PTPRN2: variants seen among roughly 807,000 people sequenced by gnomAD.
The protein encoded by PTPRN2 is protein tyrosine phosphatase receptor type N2.
A neutral mutation model predicts 118.8 loss-of-function variants in PTPRN2; 74 were observed. That is an observed-to-expected ratio of 0.62 (90% CI 0.52 to 0.76). PTPRN2 has a LOEUF of 0.76. PTPRN2 is among the 30% of genes least tolerant of loss of function. The pLI, the probability that PTPRN2 is intolerant of heterozygous loss-of-function variation, is 0.00. For missense variants in PTPRN2, 1,481 were observed against 1,394.4 expected (o/e 1.06, Z -0.99); for synonymous variants, 641 against 608.0 (o/e 1.05, Z -0.80).
intron 3 of PTPRN2, among the ~76,000 whole-genome samples, chr7:158,213,963 C>A (rs1470280894): frequency 6.6e-6 from 1 of 152,092 alleles, no homozygotes; most frequent in Non-Finnish European, 1.5e-5. Context: ...AGGCTCAGTT[C>A]TTCCAGAACA....
Position 158,188,979 on chromosome 7 carries a change from C to T in PTPRN2, c.549+3348G>A, listed in dbSNP as rs529439499. ...CACCTGGAAAGCATCCCAGGACATG[C>T]AGTACACTGTGCTCGGCCTAGGAAG... On this transcript the variant is annotated intron_variant, in intron 5 of 22. Transcript: ENST00000389418. Among the ~76,000 whole-genome samples, 9 of 152,282 alleles carry T rather than the reference C, an allele frequency of 5.9e-5. 1 individual carries two copies. The highest frequency in any genetic ancestry group is 1.9e-4 in the African/African-American group (8 of 41,556).
intron 12 of PTPRN2, among the ~76,000 whole-genome samples, chr7:157,894,702 G>T (rs1797002473): frequency 6.6e-6 from 1 of 152,124 alleles, no homozygotes; most frequent in Admixed American, 6.5e-5. Context: ...CAGCCCATGT[G>T]GCCTTGGGGT....
At chr7:157,917,040 C>A (rs1418229513) in intron 11 of PTPRN2, among the ~76,000 whole-genome samples, 1 of 148,718 alleles carries the variant, frequency 6.7e-6, no homozygotes, top group Non-Finnish European at 1.5e-5. Context: ...GTCCCCCTCC[C>A]CAGCTGAAGG....
At chr7:158,190,372 T>C (rs1247658146) in intron 5 of PTPRN2, among the ~76,000 whole-genome samples, 1 of 152,196 alleles carries the variant, frequency 6.6e-6, no homozygotes, top group Non-Finnish European at 1.5e-5. Context: ...AGTTAATGAA[T>C]AAAAACTTTA....
intron 1 of PTPRN2, among the ~76,000 whole-genome samples, chr7:158,521,070 C>A (rs75461406): frequency 6.6e-6 from 1 of 152,254 alleles, no homozygotes; most frequent in African/African-American, 2.4e-5. Flanking sequence ...TCCCTCTGTG[C>A]GAGGCGCTCA....
At chr7:158,314,412 C>T (rs949072361) in intron 3 of PTPRN2, among the ~76,000 whole-genome samples, 2 of 152,274 alleles carry the variant, frequency 1.3e-5, no homozygotes, top group Admixed American at 6.5e-5. Context: ...AACCTTCCTT[C>T]AATATGGCTC....
intron 12 of PTPRN2, among the ~76,000 whole-genome samples, chr7:157,694,586 G>T (rs753180387): frequency 6.6e-6 from 1 of 152,094 alleles, no homozygotes; most frequent in African/African-American, 2.4e-5. Flanking sequence ...TCAGAAACTG[G>T]TAAGTTACTC....
At chr7:157,877,557 C>T (rs1795853258) in intron 12 of PTPRN2, among the ~76,000 whole-genome samples, 1 of 151,762 alleles carries the variant, frequency 6.6e-6, no homozygotes, top group Admixed American at 6.6e-5. Flanking sequence ...GAGTGCCCTA[C>T]CCAGGGTTTC....
chr7:158,361,159 G>C (rs138567866), intron 2 of PTPRN2, among the ~76,000 whole-genome samples: 1 of 5,542 alleles, frequency 1.8e-4, no homozygotes, highest in African/African-American at 2.8e-3. Flanking sequence ...CACAGACCCT[G>C]CATCCACCCT....
chr7:157,876,644 C>T (rs1334598634), intron 12 of PTPRN2, among the ~76,000 whole-genome samples: 1 of 152,176 alleles, frequency 6.6e-6, no homozygotes, highest in Admixed American at 6.5e-5. Context: ...CTTGGGAAGA[C>T]CAGCGCCCCC....
intron 15 of PTPRN2, chr7:157,616,876 G>A (rs893548730): frequency 6.6e-6 from 1 of 152,004 alleles, no homozygotes; most frequent in Non-Finnish European, 1.5e-5. Context: ...CTAAACCAAA[G>A]GTTTATTTAG....
At chr7:157,696,032 C>A (rs1255614794) in intron 12 of PTPRN2, among the ~76,000 whole-genome samples, 1 of 146,134 alleles carries the variant, frequency 6.8e-6, no homozygotes, top group Non-Finnish European at 1.5e-5. Flanking sequence ...GAGCCCTCAC[C>A]ATCTACCCAT....
chr7:157,941,529 G>A (rs1047743298), intron 11 of PTPRN2, among the ~76,000 whole-genome samples: 8 of 151,612 alleles, frequency 5.3e-5, no homozygotes, highest in African/African-American at 9.7e-5. Context: ...CACTGCAAGC[G>A]ATTCTTCAGT....
intron 12 of PTPRN2, among the ~76,000 whole-genome samples, chr7:157,788,732 A>C (rs1440150553): frequency 6.6e-6 from 1 of 152,054 alleles, no homozygotes; most frequent in Non-Finnish European, 1.5e-5. Context: ...CTCCGGGGCC[A>C]CCCCACTGCC....
chr7:157,626,681 T>C (rs1803591183), intron 14 of PTPRN2, among the ~76,000 whole-genome samples: 3 of 152,230 alleles, frequency 2.0e-5, no homozygotes, highest in African/African-American at 7.2e-5. Flanking sequence ...AGGGACTGTG[T>C]TTCAGCTGCT....
intron 3 of PTPRN2, among the ~76,000 whole-genome samples, chr7:158,275,561 T>C (rs1226315108): frequency 3.3e-5 from 5 of 152,244 alleles, no homozygotes; most frequent in Non-Finnish European, 7.3e-5. Context: ...GAAATTACTT[T>C]CAATTACAAA....
rs914587257 is a variant in PTPRN2, at chr7:158,192,336, G to A, written c.540C>T (p.Pro180=). The part of the protein sequence containing the change: ...LARTHTAQDR[P]PAEGDDRFSE... ...GAAGTGGAAGGGTCACCTCAGCGGG[G>A]GGTCTGTCCTGCGCCGTATGGGTCC... The change falls in exon 5 of 23, where the codon CCC becomes CCT. Residue 180 remains proline, a synonymous_variant. Transcript: ENST00000389418. The A allele has an allele frequency of 2.7e-6, 4 of 1,478,092 alleles. No homozygotes were observed. In the African/African-American group the frequency reaches 4.4e-5, roughly 16 times the overall value. The allele number at this position is 1,478,092 out of a possible 1,614,324, so 91.6% of individuals were successfully genotyped here.
chr7:158,071,273 G>T (rs1443032310), intron 11 of PTPRN2, among the ~76,000 whole-genome samples: 1 of 111,116 alleles, frequency 9.0e-6, no homozygotes, highest in South Asian at 3.4e-4. Flanking sequence ...TGGTGGTGGA[G>T]GTGCCCGTGG....
intron 2 of PTPRN2, among the ~76,000 whole-genome samples, chr7:158,321,529 C>T (rs996218495): frequency 6.6e-6 from 1 of 152,216 alleles, no homozygotes; most frequent in Admixed American, 6.5e-5. Context: ...GCTGGAAGTG[C>T]ATCACCGCAC....
Sources: gnomAD v4.1 joint callset for allele counts (sites outside exome capture counted in the v4.1 genomes callset) on GRCh38, gnomAD v4.1.1 for gene constraint, MANE v1.5 for transcripts, NCBI Gene and HGNC (gene_info 2026-07-23, HGNC 2026-07-21) for gene names.